The following NFAM1 variants were observed in gnomAD, a reference collection of about 807,000 sequenced individuals.
NFAM1 encodes NFAT activating protein with ITAM motif 1, also known as NFAT activation molecule 1.
In NFAM1, 17 loss-of-function variants were observed where a neutral mutation model predicts 29.0. The ratio of observed to expected loss-of-function variants is 0.59; its 90% CI spans 0.40 to 0.88. NFAM1 has a LOEUF of 0.88. NFAM1 is among the 40% of genes least tolerant of loss of function. The probability of loss-of-function intolerance (pLI) is 0.00; values close to 1 mark genes in which losing one functional copy is unlikely to be tolerated. For missense variants in NFAM1, 324 were observed against 344.6 expected (o/e 0.94, Z 0.47); for synonymous variants, 175 against 147.2 (o/e 1.19, Z -1.36).
chr22:42,424,346 C>T (rs1273807849), intron 1 of NFAM1, among the ~76,000 whole-genome samples: 2 of 151,672 alleles, frequency 1.3e-5, no homozygotes, highest in Non-Finnish European at 2.9e-5. Context: ...ACCAGGGAGG[C>T]AGAGCTTGCG....
intron 4 of NFAM1, among the ~76,000 whole-genome samples, chr22:42,392,100 T>C (rs886676583): frequency 6.6e-6 from 1 of 152,060 alleles, no homozygotes; most frequent in East Asian, 1.9e-4. Context: ...CAGAACCTTG[T>C]GGCTAAATGA....
At chr22:42,427,629 C>T (rs1036872457) in intron 1 of NFAM1, among the ~76,000 whole-genome samples, 27 of 152,186 alleles carry the variant, frequency 1.8e-4, no homozygotes, top group Admixed American at 1.6e-3. Flanking sequence ...GCCCACCGGC[C>T]GTGGTTTCAA....
rs1030183130 is a variant in NFAM1 at position 42,409,016 on chromosome 22, C to T, written c.564+419G>A. ...TGTGGGAGGGTTGCTGGAGGGCGTGCGAGAGGGCGAGTGGGAGGGTGTGTG... is the reference window on the plus strand; with the variant it reads ...TGTGGGAGGGTTGCTGGAGGGCGTGTGAGAGGGCGAGTGGGAGGGTGTGTG... On this transcript the variant is annotated intron_variant, in intron 3 of 5. Transcript: ENST00000329021. This position sits in a 1 kb window ranked among gnomAD's most constrained non-coding sequence, Gnocchi z 4.9. 1.2e-4 allele frequency among the ~76,000 whole-genome samples: 18 copies of T among 152,024 alleles called. No individual in the cohort carries two copies. The highest frequency in any genetic ancestry group is 7.7e-4 in the East Asian group (4 of 5,174).
At position 42,432,237 on chromosome 22, in the gene NFAM1, C is replaced by A. The variant is rs764247350; in HGVS notation, c.121G>T (p.Gly41Ter). ...AGAGAAGGAGGAAGACAGACACTACCTGCCAGTCGCAGGGTCCCGGGCAGC... is the reference window on the plus strand; with the variant it reads ...AGAGAAGGAGGAAGACAGACACTACATGCCAGTCGCAGGGTCCCGGGCAGC... ...LLLPGTLRLA[G>*]GQSVTHTGLP... The change falls in exon 1 of 6, where the codon GGA becomes TGA. Residue 41 changes from glycine (G) to a stop codon, truncating the protein, a stop_gained and splice_region_variant. Transcript: ENST00000329021. LOFTEE classifies it high-confidence loss of function. 1 of 1,571,366 alleles carries A rather than the reference C, an allele frequency of 6.4e-7. No individual in the cohort carries two copies. The highest frequency in any genetic ancestry group is 2.3e-5 in the East Asian group (1 of 42,786).
At chr22:42,423,289 GCAGGA>G (rs1930509506) in intron 1 of NFAM1, among the ~76,000 whole-genome samples, 1 of 152,050 alleles carries the variant, frequency 6.6e-6, no homozygotes, top group Non-Finnish European at 1.5e-5. Flanking sequence ...ACTGTGGGCT[GCAGGA>G]GTCCAGACAG....
chr22:42,416,035 G>C (rs742158), intron 1 of NFAM1, among the ~76,000 whole-genome samples: 1 of 152,000 alleles, frequency 6.6e-6, no homozygotes, highest in East Asian at 1.9e-4. Context: ...GGTCTAGAGG[G>C]TGTCCATGAC....
chr22:42,412,424 T>G (rs1052508105), intron 1 of NFAM1, among the ~76,000 whole-genome samples: 2 of 152,054 alleles, frequency 1.3e-5, no homozygotes, highest in Non-Finnish European at 2.9e-5. Flanking sequence ...AGTCTGAGGG[T>G]CAGGGAGTTG....
At chr22:42,412,741 T>C (rs1168737529) in intron 1 of NFAM1, among the ~76,000 whole-genome samples, 2 of 151,776 alleles carry the variant, frequency 1.3e-5, no homozygotes, top group African/African-American at 4.9e-5. Context: ...GACACAAACC[T>C]CTCCCGGACT....
chr22:42,387,946 C>G (rs1929207917), intron 4 of NFAM1, among the ~76,000 whole-genome samples: 1 of 152,224 alleles, frequency 6.6e-6, no homozygotes, highest in Non-Finnish European at 1.5e-5. Flanking sequence ...AGTCCTGCTC[C>G]CACCAGCATC....
intron 4 of NFAM1, among the ~76,000 whole-genome samples, chr22:42,395,740 G>A (rs1001933386): frequency 1.9e-4 from 29 of 151,388 alleles, no homozygotes; most frequent in East Asian, 1.6e-3. Flanking sequence ...AAAATTAGCC[G>A]GGCGCAGTGG....
chr22:42,392,257 G>A (rs567021167), intron 4 of NFAM1, among the ~76,000 whole-genome samples: 1 of 152,302 alleles, frequency 6.6e-6, no homozygotes, highest in East Asian at 1.9e-4. Context: ...AGGCAGGGGA[G>A]GATCAGGAGA....
intron 3 of NFAM1, among the ~76,000 whole-genome samples, chr22:42,405,587 T>C (rs191727476): frequency 1.2e-3 from 183 of 152,294 alleles, no homozygotes; most frequent in African/African-American, 4.2e-3. Flanking sequence ...GGCAGGTGCA[T>C]ACTCGTGCTG....
intron 3 of NFAM1, among the ~76,000 whole-genome samples, chr22:42,405,265 G>C (rs746745497): frequency 9.9e-5 from 15 of 152,208 alleles, no homozygotes; most frequent in Non-Finnish European, 1.8e-4. Context: ...GATCTCGCCT[G>C]GCCCCGTTCT....
At chr22:42,435,685 T>C (rs1436142431), upstream of NFAM1, among the ~76,000 whole-genome samples, 2 of 152,166 alleles carry the variant, frequency 1.3e-5, no homozygotes, top group African/African-American at 4.8e-5. Flanking sequence ...ACACTTATTA[T>C]GTGCCTACTG....
chr22:42,422,789 T>C (rs1387963807), intron 1 of NFAM1, among the ~76,000 whole-genome samples: 1 of 151,860 alleles, frequency 6.6e-6, no homozygotes, highest in African/African-American at 2.4e-5. Context: ...TGGGTCTGCT[T>C]CTTGTCTCTG....
At chr22:42,393,701 C>A (rs911754985) in intron 4 of NFAM1, among the ~76,000 whole-genome samples, 1 of 150,844 alleles carries the variant, frequency 6.6e-6, no homozygotes, top group Non-Finnish European at 1.5e-5. Flanking sequence ...CAGGCATGAG[C>A]CACTGCACCC....
intron 3 of NFAM1, among the ~76,000 whole-genome samples, chr22:42,405,000 T>C (rs17003040): frequency 0.028 from 4,255 of 152,110 alleles, 204 homozygotes; most frequent in African/African-American, 0.099. Context: ...TGTTGGCACT[T>C]AGCCTAGTGA....
At chr22:42,400,830 T>C (rs117247809) in intron 3 of NFAM1, among the ~76,000 whole-genome samples, 3,488 of 152,302 alleles carry the variant, frequency 0.023, 58 homozygotes, top group Non-Finnish European at 0.036. Flanking sequence ...GGGGACCTAG[T>C]GTCTGTCTCT....
chr22:42,409,245 C>A lies in NFAM1; in HGVS notation c.564+190G>T, dbSNP rs1929998930. On this transcript the variant is annotated intron_variant, in intron 3 of 5. Transcript: ENST00000329021. The surrounding 1 kb of genome is among the most constrained non-coding windows in gnomAD (Gnocchi z 4.9). ...TTTCTTGCAACAAGATCAAAAGGCA[C>A]CCCATGGCAGCACAGGGAGTGGCAC... Among the ~76,000 whole-genome samples, 1 of 152,184 alleles carries A rather than the reference C, an allele frequency of 6.6e-6. No individual in the cohort carries two copies. Among genetic ancestry groups the A allele is most frequent in the South Asian group, 2.1e-4 (1 of 4,832 alleles).
Sources: gnomAD v4.1 joint callset for allele counts (sites outside exome capture counted in the v4.1 genomes callset) on GRCh38, gnomAD v4.1.1 for gene constraint, Gnocchi (gnomAD v3.1) non-coding constraint, MANE v1.5 for transcripts, NCBI Gene and HGNC (gene_info 2026-07-23, HGNC 2026-07-21) for gene names.